The following SLC26A9 variants were observed in gnomAD, a reference collection of about 807,000 sequenced individuals.
SLC26A9 encodes anion transporter/exchanger protein 9.
SLC26A9 carries 46 observed loss-of-function variants against 87.1 expected under a neutral mutation model. The observed-to-expected ratio is 0.53, with a 90% CI of 0.42 to 0.67. The LOEUF (loss-of-function observed/expected upper bound fraction) is 0.67. Among genes scored for constraint, SLC26A9 ranks in the 30% least tolerant of loss-of-function variants. The probability of loss-of-function intolerance (pLI) is 0.00; values close to 1 mark genes in which losing one functional copy is unlikely to be tolerated. For synonymous variants in SLC26A9, 437 were observed against 409.1 expected, an observed-to-expected ratio of 1.07 and a Z score of -0.82; for missense variants, 927 against 1,018.3, an observed-to-expected ratio of 0.91 and a Z score of 1.22.
chr1:205,933,164 G>T, intron 2 of SLC26A9, 80 bp from the exon 3 acceptor site: 1 of 1,553,906 alleles, frequency 6.4e-7, no homozygotes, highest in Non-Finnish European at 8.8e-7. Flanking sequence ...ATCATATCCT[G>T]CTCATTTCAT....
rs765390955 is a variant in SLC26A9, at chr1:205,924,437, C to G, written c.1442G>C (p.Gly481Ala). ...LSSFFLSLPY[G>A]VAVGVAFSVL... ...GGAGAAGGCGACACCCACTGCCACA[C>G]CATAGGGCAGGCTGAGGAAGAAGGA... Residue 481 changes from glycine (G) to alanine (A), a missense_variant, in exon 13 of 21, where the codon GGT (glycine) becomes GCT (alanine). Transcript: ENST00000367135. 1.2e-6 allele frequency: 2 copies of G among 1,614,188 alleles called. No homozygotes were observed. The highest frequency in any genetic ancestry group is 2.2e-5 in the South Asian group (2 of 91,080).
chr1:205,920,936 G>A (rs1336674699), intron 17 of SLC26A9, among the ~76,000 whole-genome samples: 1 of 152,248 alleles, frequency 6.6e-6, no homozygotes, highest in East Asian at 1.9e-4. Flanking sequence ...AAGGAAGCCG[G>A]CTGAGGCCCA....
chr1:205,922,831 G>C (rs1335076875), intron 16 of SLC26A9, among the ~76,000 whole-genome samples: 1 of 152,172 alleles, frequency 6.6e-6, no homozygotes, highest in Non-Finnish European at 1.5e-5. Context: ...CCCCAGAGGT[G>C]GAGGTTGCAG....
At chr1:205,931,469 T>TTTTTTTTTTG (rs1659303312) in intron 5 of SLC26A9, among the ~76,000 whole-genome samples, 3 of 46,012 alleles carry the variant, frequency 6.5e-5, no homozygotes, top group African/African-American at 1.2e-4. Context: ...AACTTGGTTT[T>TTTTTTTTTTG]TTTTTTTTTT....
At chr1:205,936,682 CACAGAGAAAGAAGG>C (rs1659523682) in intron 1 of SLC26A9, among the ~76,000 whole-genome samples, 1 of 152,022 alleles carries the variant, frequency 6.6e-6, no homozygotes, top group South Asian at 2.1e-4. Flanking sequence ...CTCAGAGGAC[CACAGAGAAAGAAGG>C]ACAGAGAAGA....
In SLC26A9 at chr1:205,943,423, C is replaced by T. The variant is rs187248132; in HGVS notation, c.-77G>A. On this transcript the variant is annotated 5_prime_UTR_variant, in exon 1 of 21. Transcript: ENST00000367135. ...CAGGTGTGTCTGGGGAGCGGGCAGC[C>T]GAAAGGTGTTCCTGAGGTGTGTGAA... 55 of 152,344 alleles carry T rather than the reference C, an allele frequency of 3.6e-4. 1 individual carries two copies. The highest frequency in any genetic ancestry group is 9.8e-4 in the Admixed American group (15 of 15,288). The allele number at this position is 152,344 out of a possible 1,614,324, so 9.4% of individuals were successfully genotyped here. A position where few individuals can be genotyped will look rare whatever the true frequency, so the allele number is the denominator to read the frequency against.
Position 205,915,243 on chromosome 1 carries a change from G to A in SLC26A9, c.*114C>T, listed in dbSNP as rs747057894. ...AGGGGGAGAGGAGAGAGGAACCCAA[G>A]CTCTGGGGGATGCACTTTCCTCCGC... On this transcript the variant is annotated 3_prime_UTR_variant, in exon 21 of 21. Transcript: ENST00000367135. The A allele has an allele frequency of 1.3e-5, 21 of 1,600,144 alleles. No homozygotes were observed. In the African/African-American group the frequency reaches 2.1e-4, roughly 16 times the overall value.
At chr1:205,939,089 G>C (rs1203326943) in intron 1 of SLC26A9, among the ~76,000 whole-genome samples, 1 of 152,232 alleles carries the variant, frequency 6.6e-6, no homozygotes. Flanking sequence ...GATGCTGAAG[G>C]GGAGAAGGCT....
intron 1 of SLC26A9, among the ~76,000 whole-genome samples, chr1:205,941,166 G>GT (rs974077440): frequency 4.6e-5 from 7 of 151,966 alleles, no homozygotes; most frequent in African/African-American, 9.7e-5. Context: ...TGTTTGTTTT[G>GT]TTTTTTTGTT....
intron 17 of SLC26A9, among the ~76,000 whole-genome samples, chr1:205,920,790 G>A (rs930556384): frequency 5.9e-5 from 9 of 152,216 alleles, no homozygotes; most frequent in Non-Finnish European, 1.2e-4. Flanking sequence ...GAGCCACCAC[G>A]CCCGGCTGAT....
intron 18 of SLC26A9, among the ~76,000 whole-genome samples, 188 bp from the exon 19 acceptor site, chr1:205,919,173 G>A (rs948773670): frequency 2.6e-5 from 4 of 152,182 alleles, no homozygotes; most frequent in African/African-American, 9.7e-5. Context: ...ATGAACTTGA[G>A]GATGCTGAAG....
Position 205,929,283 on chromosome 1 carries a change from G to A in SLC26A9, c.791C>T (p.Ala264Val), listed in dbSNP as rs1659210747. 6.2e-7 allele frequency: 1 copy of A among 1,614,232 alleles called. No homozygotes were observed. The highest frequency in any genetic ancestry group is 8.5e-7 in the Non-Finnish European group (1 of 1,180,040). Residue 264 changes from alanine (A) to valine (V), a missense_variant, in exon 7 of 21, where the codon GCC becomes GTC. Transcript: ENST00000367135. ...GAGCTCCTTCACCAGCACCAGGAAG[G>A]CACCGCTGATGAGAGCGAAGATGAG... is the stretch of plus-strand genomic sequence containing the variant. Reference protein sequence around the residue: ...ASLIFALISGAFLVLVKELNA... With the variant: ...ASLIFALISGVFLVLVKELNA...
chr1:205,919,350 G>A (rs1282807798), intron 18 of SLC26A9, among the ~76,000 whole-genome samples: 1 of 152,114 alleles, frequency 6.6e-6, no homozygotes, highest in Non-Finnish European at 1.5e-5. Context: ...CTTCCAATGT[G>A]TGGCATTGGA....
At chr1:205,917,401 G>T in intron 19 of SLC26A9, 47 bp from the exon 20 acceptor site, 1 of 1,601,352 alleles carries the variant, frequency 6.2e-7, no homozygotes, top group Non-Finnish European at 8.6e-7. Context: ...TGACTGAACA[G>T]CAAAGTTGGT....
intron 12 of SLC26A9, among the ~76,000 whole-genome samples, chr1:205,925,299 TG>T (rs1279671472): frequency 6.6e-6 from 1 of 152,296 alleles, no homozygotes; most frequent in East Asian, 1.9e-4. Context: ...TCTGATCGGC[TG>T]GGGGCCTGGT....
chr1:205,918,360 C>T (rs1484674484), intron 19 of SLC26A9, among the ~76,000 whole-genome samples: 1 of 152,156 alleles, frequency 6.6e-6, no homozygotes, highest in Non-Finnish European at 1.5e-5. Flanking sequence ...AAAGCTGAGA[C>T]AAAACTCAGA....
At position 205,914,882 on chromosome 1, in the gene SLC26A9, A is replaced by C; in HGVS notation, c.*475T>G. ...GGGAAGGCAAGCCAGAGTCCTAACCAAGTTTATCCCTATGTCCGTGACAGC... is the reference window on the plus strand; with the variant it reads ...GGGAAGGCAAGCCAGAGTCCTAACCCAGTTTATCCCTATGTCCGTGACAGC... On this transcript the variant is annotated 3_prime_UTR_variant, in exon 21 of 21. Transcript: ENST00000367135. The C allele has an allele frequency of 6.2e-7, 1 of 1,601,596 alleles. No individual in the cohort carries two copies. The highest frequency in any genetic ancestry group is 8.5e-7 in the Non-Finnish European group (1 of 1,172,780).
intron 11 of SLC26A9, 74 bp from the exon 12 acceptor site, chr1:205,926,704 C>T (rs1022971833): frequency 2.5e-6 from 3 of 1,196,008 alleles, no homozygotes; most frequent in Non-Finnish European, 3.7e-6. Context: ...TACCCGACCC[C>T]AAGGCCTGGC....
intron 10 of SLC26A9, 47 bp downstream of exon 10, chr1:205,927,445 A>C: frequency 6.3e-7 from 1 of 1,590,284 alleles, no homozygotes; most frequent in African/African-American, 1.3e-5. Context: ...TTTTGGGGCA[A>C]CTGTTCTCTT....
Sources: gnomAD v4.1 joint callset for allele counts (sites outside exome capture counted in the v4.1 genomes callset) on GRCh38, gnomAD v4.1.1 for gene constraint, MANE v1.5 for transcripts, NCBI Gene and HGNC (gene_info 2026-07-23, HGNC 2026-07-21) for gene names.